CNBD1: variants seen among roughly 807,000 people sequenced by gnomAD.
CNBD1 encodes cyclic nucleotide binding domain containing 1.
CNBD1 carries 71 observed loss-of-function variants against 54.4 expected under a neutral mutation model. The observed-to-expected ratio is 1.30, with a 90% confidence interval of 1.08 to 1.59. CNBD1 has a LOEUF of 1.59. Ranked by LOEUF, CNBD1 falls within the 40% of genes most tolerant of loss-of-function variation. The probability of loss-of-function intolerance (pLI) is 0.00; values close to 1 mark genes in which losing one functional copy is unlikely to be tolerated. For missense variants in CNBD1, 659 were observed against 518.0 expected (o/e 1.27, Z -2.64); for synonymous variants, 182 against 170.7 (o/e 1.07, Z -0.51).
At chr8:87,309,834 G>T (rs1809227961) in intron 8 of CNBD1, among the ~76,000 whole-genome samples, 1 of 151,840 alleles carries the variant, frequency 6.6e-6, no homozygotes, top group African/African-American at 2.4e-5. Context: ...CCTAGCCAGG[G>T]CAATCAGGCA....
chr8:87,425,478 G>T (rs1586095788), intron 2 of CNBD1, among the ~76,000 whole-genome samples: 1 of 152,174 alleles, frequency 6.6e-6, no homozygotes, highest in East Asian at 1.9e-4. Flanking sequence ...TGATGATGGT[G>T]ACGTACAGAT....
At chr8:87,054,419 G>C (rs1157333215) in intron 4 of CNBD1, among the ~76,000 whole-genome samples, 1 of 152,132 alleles carries the variant, frequency 6.6e-6, no homozygotes, top group Non-Finnish European at 1.5e-5. Flanking sequence ...CCCATTGAGG[G>C]CTATCATTGA....
intron 4 of CNBD1, among the ~76,000 whole-genome samples, chr8:87,106,146 TC>T (rs1811530871): frequency 6.6e-6 from 1 of 151,538 alleles, no homozygotes; most frequent in African/African-American, 2.4e-5. Flanking sequence ...TCCTTTCTTT[TC>T]TTCTTTTTTC....
intron 2 of CNBD1, among the ~76,000 whole-genome samples, chr8:87,419,462 AGAC>A (rs1444139102): frequency 5.3e-5 from 8 of 151,964 alleles, no homozygotes; most frequent in Non-Finnish European, 1.5e-5. Context: ...TCTTAATAAA[AGAC>A]AATAAGAATG....
At chr8:87,113,494 A>G (rs1340555233) in intron 4 of CNBD1, among the ~76,000 whole-genome samples, 3 of 152,218 alleles carry the variant, frequency 2.0e-5, no homozygotes, top group Non-Finnish European at 4.4e-5. Flanking sequence ...CTTGCTTTAT[A>G]ATGGGTGCTA....
At chr8:87,377,853 T>C (rs1810983940) in intron 10 of CNBD1, among the ~76,000 whole-genome samples, 1 of 151,214 alleles carries the variant, frequency 6.6e-6, no homozygotes, top group Non-Finnish European at 1.5e-5. Flanking sequence ...TTCTAACTGG[T>C]GTGAGATGAT....
chr8:87,034,846 A>G (rs1307521792), intron 4 of CNBD1, among the ~76,000 whole-genome samples: 1 of 152,158 alleles, frequency 6.6e-6, no homozygotes, highest in South Asian at 2.1e-4. Flanking sequence ...ATGTTGTTCA[A>G]GGATCAACTA....
chr8:87,409,028 G>A (rs1479194507), intron 2 of CNBD1, among the ~76,000 whole-genome samples: 1 of 152,060 alleles, frequency 6.6e-6, no homozygotes, highest in East Asian at 1.9e-4. Flanking sequence ...AAGTTTTCAA[G>A]TGAAAGGAAG....
At chr8:87,380,046 A>C (rs1233256896) in intron 10 of CNBD1, among the ~76,000 whole-genome samples, 1 of 151,936 alleles carries the variant, frequency 6.6e-6, no homozygotes, top group Non-Finnish European at 1.5e-5. Context: ...GCAAGACAAT[A>C]ATATAAACTA....
chr8:87,297,632 T>C (rs1025830832), intron 8 of CNBD1, among the ~76,000 whole-genome samples: 7 of 152,206 alleles, frequency 4.6e-5, no homozygotes, highest in African/African-American at 1.2e-4. Context: ...TTGTTTTTCT[T>C]ATTCTGACGT....
At chr8:86,925,323 T>C (rs1047716275) in intron 3 of CNBD1, among the ~76,000 whole-genome samples, 2 of 152,170 alleles carry the variant, frequency 1.3e-5, no homozygotes, top group Non-Finnish European at 2.9e-5. Context: ...GTGTACTTAG[T>C]GTGACTGAAT....
intron 4 of CNBD1, among the ~76,000 whole-genome samples, chr8:87,021,754 T>G (rs1036274702): frequency 3.3e-5 from 5 of 152,150 alleles, no homozygotes; most frequent in African/African-American, 9.7e-5. Context: ...ATGTCAGTTA[T>G]GTCAGGGTTG....
intron 8 of CNBD1, among the ~76,000 whole-genome samples, chr8:87,321,034 G>A (rs1442295475): frequency 1.3e-5 from 2 of 152,030 alleles, no homozygotes. Flanking sequence ...CAGAATATGA[G>A]AGTAATTCCT....
chr8:87,226,477 T>G (rs1165006852), intron 5 of CNBD1, among the ~76,000 whole-genome samples: 1 of 148,306 alleles, frequency 6.7e-6, no homozygotes, highest in East Asian at 1.9e-4. Context: ...CATCTTTATT[T>G]CTGCCTTCAT....
intron 1 of CNBD1, among the ~76,000 whole-genome samples, chr8:86,869,221 T>G (rs187487268): frequency 4.5e-4 from 68 of 152,312 alleles, no homozygotes; most frequent in African/African-American, 1.5e-3. Context: ...ACAGCAGCAA[T>G]ATAAAATTAA....
At chr8:87,220,502 T>G (rs1279016178) in intron 5 of CNBD1, among the ~76,000 whole-genome samples, 1 of 148,154 alleles carries the variant, frequency 6.7e-6, no homozygotes, top group African/African-American at 2.6e-5. Flanking sequence ...TGTCCAAGTT[T>G]TTTTTTTTTT....
At chr8:86,925,542 A>G (rs1384434762) in intron 3 of CNBD1, among the ~76,000 whole-genome samples, 3 of 141,466 alleles carry the variant, frequency 2.1e-5, no homozygotes, top group African/African-American at 8.3e-5. Context: ...TCTGTATGTG[A>G]TGGTGGGATT....
At chr8:87,340,748 C>T in intron 8 of CNBD1, among the ~76,000 whole-genome samples, 1 of 151,978 alleles carries the variant, frequency 6.6e-6, no homozygotes, top group East Asian at 1.9e-4. Flanking sequence ...TATTCTATTC[C>T]TGAGTTGTAA....
At chr8:87,097,304 A>G (rs1396048803) in intron 4 of CNBD1, among the ~76,000 whole-genome samples, 1 of 152,100 alleles carries the variant, frequency 6.6e-6, no homozygotes, top group African/African-American at 2.4e-5. Flanking sequence ...GGACTGGAAA[A>G]TTTTCTACAA....
Sources: gnomAD v4.1 joint callset for allele counts (sites outside exome capture counted in the v4.1 genomes callset) on GRCh38, gnomAD v4.1.1 for gene constraint, MANE v1.5 for transcripts, NCBI Gene and HGNC (gene_info 2026-07-23, HGNC 2026-07-21) for gene names.